DMD: variants seen among roughly 807,000 people sequenced by gnomAD.
DMD encodes the protein dystrophin, also known as mutant dystrophin.
A neutral mutation model predicts 330.1 loss-of-function variants in DMD; 63 were observed. The observed-to-expected ratio is 0.19, with a 90% confidence interval of 0.16 to 0.24. The LOEUF is 0.24. Among genes scored for constraint, DMD ranks in the 10% least tolerant of loss-of-function variants. DMD has a pLI of 1.00. For missense variants in DMD, 3,344 were observed against 2,684.1 expected, an observed-to-expected ratio of 1.25 and a Z score of -5.43; for synonymous variants, 1,223 against 959.8, an observed-to-expected ratio of 1.27 and a Z score of -5.07.
chrX:33,058,139 C>T (rs2148105), intron 1 of DMD, among the ~76,000 whole-genome samples: 31,102 of 111,270 alleles, frequency 0.28, 3,475 homozygotes, highest in East Asian at 0.69. Context: ...CTGGGCCTCC[C>T]AAAGTGCTAG....
chrX:31,289,867 T>C (rs1026394696), intron 62 of DMD, among the ~76,000 whole-genome samples: 1 of 106,016 alleles, frequency 9.4e-6, no homozygotes, highest in African/African-American at 3.4e-5. Context: ...CTTAACTATA[T>C]ATCAAATATA....
Position 33,026,076 on chromosome X carries a change from C to G in DMD, c.32-5876G>C, listed in dbSNP as rs912263339. Among the ~76,000 whole-genome samples, 81 of 110,130 alleles carry G rather than the reference C, an allele frequency of 7.4e-4. 2 individuals are homozygous for G. The highest frequency in any genetic ancestry group is 3.9e-4 in the Admixed American group (4 of 10,341). On this transcript the variant is annotated intron_variant, in intron 1 of 78. Transcript: ENST00000357033. ...TGAAGCCGGGCGCAGTGGCTCACGC[C>G]TGTAATCCCAGCACTTTGGGAGGCC...
chrX:33,115,461 A>G (rs1286463617), intron 1 of DMD, among the ~76,000 whole-genome samples: 1 of 110,502 alleles, frequency 9.0e-6, no homozygotes, highest in East Asian at 2.9e-4. Flanking sequence ...TTTCAAGACC[A>G]CGCCTAAACT....
intron 1 of DMD, among the ~76,000 whole-genome samples, chrX:33,116,557 G>A (rs1483904181): frequency 9.0e-6 from 1 of 111,349 alleles, no homozygotes; most frequent in African/African-American, 3.3e-5. Flanking sequence ...GTGCTCTCAG[G>A]AAATCTATAA....
At chrX:32,693,647 C>T (rs764289310) in intron 9 of DMD, among the ~76,000 whole-genome samples, 46 of 111,939 alleles carry the variant, frequency 4.1e-4, no homozygotes, top group African/African-American at 1.4e-3. Flanking sequence ...GCCATGTTGG[C>T]CAGGCTGGTC....
chrX:33,075,631 G>A (rs1029471019), intron 1 of DMD, among the ~76,000 whole-genome samples: 1 of 112,326 alleles, frequency 8.9e-6, no homozygotes, highest in African/African-American at 3.2e-5. Context: ...AATTAATACC[G>A]TATTGGGATA....
intron 2 of DMD, among the ~76,000 whole-genome samples, chrX:32,986,182 A>C (rs891077733): frequency 3.6e-5 from 4 of 111,450 alleles, no homozygotes; most frequent in African/African-American, 1.3e-4. Flanking sequence ...ATGAGCAATT[A>C]TATTATTCCT....
At chrX:32,426,083 A>T (rs777342002) in intron 29 of DMD, among the ~76,000 whole-genome samples, 1 of 112,097 alleles carries the variant, frequency 8.9e-6, no homozygotes, top group Non-Finnish European at 1.9e-5. Flanking sequence ...AGATGTAATG[A>T]TGATGTCAAA....
chrX:32,736,388 G>A (rs752385419), intron 7 of DMD, among the ~76,000 whole-genome samples: 11 of 111,102 alleles, frequency 9.9e-5, no homozygotes, highest in South Asian at 3.8e-4. Context: ...ACTAGAAATC[G>A]CATTTGACCC....
chrX:31,834,534 G>A (rs1569465890), intron 49 of DMD, among the ~76,000 whole-genome samples: 1 of 111,664 alleles, frequency 9.0e-6, no homozygotes, highest in Admixed American at 9.5e-5. Flanking sequence ...CTGCCTCTCG[G>A]GTTCAAGTGA....
intron 1 of DMD, among the ~76,000 whole-genome samples, chrX:33,037,010 G>A (rs973402270): frequency 1.1e-4 from 12 of 111,049 alleles, no homozygotes; most frequent in Admixed American, 1.1e-3. Flanking sequence ...TAGAGAGAAG[G>A]AGATGTGACA....
chrX:32,729,931 A>C (rs1179041188), intron 7 of DMD, among the ~76,000 whole-genome samples: 2 of 112,218 alleles, frequency 1.8e-5, no homozygotes, highest in Non-Finnish European at 3.8e-5. Flanking sequence ...CCTCTGCTCT[A>C]TATGACCATG....
At chrX:32,987,100 G>T (rs766574730) in intron 2 of DMD, among the ~76,000 whole-genome samples, 51 of 112,161 alleles carry the variant, frequency 4.5e-4, no homozygotes, top group African/African-American at 1.6e-3. Context: ...ACTATCAAAA[G>T]TCATGGGACC....
chrX:31,861,673 T>C (rs1307748833), intron 48 of DMD, among the ~76,000 whole-genome samples: 2 of 97,207 alleles, frequency 2.1e-5, no homozygotes, highest in Non-Finnish European at 4.1e-5. Flanking sequence ...TGTGTATATA[T>C]ATACACACAC....
intron 1 of DMD, among the ~76,000 whole-genome samples, chrX:33,267,655 A>G (rs1342689077): frequency 1.8e-5 from 2 of 111,890 alleles, no homozygotes; most frequent in African/African-American, 3.2e-5. Context: ...ACTTCCAACT[A>G]TGCTACAAGA....
At chrX:32,783,043 TAC>T (rs1216121360) in intron 7 of DMD, among the ~76,000 whole-genome samples, 2 of 96,252 alleles carry the variant, frequency 2.1e-5, no homozygotes, top group African/African-American at 4.6e-5. Context: ...TTTATATATA[TAC>T]ACACACATAT....
intron 62 of DMD, among the ~76,000 whole-genome samples, chrX:31,284,482 C>T (rs189458761): frequency 1.8e-5 from 2 of 111,220 alleles, no homozygotes; most frequent in African/African-American, 6.6e-5. Context: ...GATATCACTC[C>T]TTTGTATCAC....
At chrX:32,218,444 A>C (rs1295303446) in intron 43 of DMD, among the ~76,000 whole-genome samples, 5 of 111,993 alleles carry the variant, frequency 4.5e-5, no homozygotes, top group Non-Finnish European at 9.4e-5. Context: ...GTGCTGCCTC[A>C]GAGTACAGGA....
chrX:32,384,531 A>C (rs1384995774), intron 33 of DMD, among the ~76,000 whole-genome samples: 1 of 111,267 alleles, frequency 9.0e-6, no homozygotes, highest in Non-Finnish European at 1.9e-5. Flanking sequence ...TGTTTAAAAC[A>C]TAACAAATAT....
Sources: allele counts gnomAD v4.1 joint callset (sites outside exome capture counted in the v4.1 genomes callset), GRCh38; gene constraint gnomAD v4.1.1; transcripts MANE v1.5; gene names NCBI Gene and HGNC (gene_info 2026-07-23, HGNC 2026-07-21).